Variants in SHISA9 observed in about 807,000 individuals in gnomAD.
SHISA9 encodes protein shisa-9.
SHISA9 carries 13 observed loss-of-function variants against 38.0 expected under a neutral mutation model. That is an observed-to-expected ratio of 0.34 (90% confidence interval 0.22 to 0.54). The LOEUF is 0.54. Among genes scored for constraint, SHISA9 ranks in the 20% least tolerant of loss-of-function variants. The probability of loss-of-function intolerance (pLI) is 0.91; values close to 1 mark genes in which losing one functional copy is unlikely to be tolerated. For synonymous variants in SHISA9, 275 were observed against 242.0 expected (o/e 1.14, Z -1.27); for missense variants, 538 against 575.8 (o/e 0.93, Z 0.67).
intron 2 of SHISA9, among the ~76,000 whole-genome samples, chr16:13,107,117 C>G (rs1596652016): frequency 6.6e-6 from 1 of 151,910 alleles, no homozygotes; most frequent in South Asian, 2.1e-4. Context: ...AGGGAATGAA[C>G]AAAATAATAT....
the SHISA9 span, among the ~76,000 whole-genome samples, chr16:13,289,703 A>C: frequency 6.6e-6 from 1 of 151,786 alleles, no homozygotes; most frequent in Non-Finnish European, 1.5e-5. Context: ...ATTGAGAGAG[A>C]CTGGAGAGTT....
the SHISA9 span, among the ~76,000 whole-genome samples, chr16:13,402,848 G>T: frequency 6.6e-6 from 1 of 152,200 alleles, no homozygotes; most frequent in Admixed American, 6.5e-5. Flanking sequence ...GCTGGGTGCA[G>T]TGGCTCACGC....
intron 2 of SHISA9, among the ~76,000 whole-genome samples, chr16:13,119,497 A>G (rs530040173): frequency 9.9e-5 from 15 of 152,232 alleles, no homozygotes; most frequent in Non-Finnish European, 1.9e-4. Flanking sequence ...AGTAATAATA[A>G]TGATCATTTA....
chr16:13,147,036 G>C (rs1217886423), intron 2 of SHISA9, among the ~76,000 whole-genome samples: 1 of 152,192 alleles, frequency 6.6e-6, no homozygotes, highest in Non-Finnish European at 1.5e-5. Flanking sequence ...ATGAATGAAT[G>C]AGTGAGTATA....
chr16:13,030,752 G>A (rs942683855), intron 2 of SHISA9, among the ~76,000 whole-genome samples: 1 of 152,114 alleles, frequency 6.6e-6, no homozygotes, highest in Non-Finnish European at 1.5e-5. Flanking sequence ...AAATATGGTA[G>A]GAAAAAATTA....
rs373027820 is a variant in SHISA9 at position 12,957,778 on chromosome 16, G to T, written c.691+40963G>T. Among the ~76,000 whole-genome samples, 6 of 152,172 alleles carry T rather than the reference G, an allele frequency of 3.9e-5. No individual in the cohort carries two copies. In the East Asian group the frequency reaches 5.8e-4, roughly 15 times the overall value. On this transcript the variant is annotated intron_variant, in intron 2 of 4. Transcript: ENST00000558583. ...ACAGTTCTTGAGGCTGGAAGTCCAA[G>T]ATCAAGGTGCTGGGTTTGAATTTCC... is the stretch of plus-strand genomic sequence containing the variant.
At chr16:13,280,117 C>CTTTTTTTTTTTTTTTTTT in the SHISA9 span, among the ~76,000 whole-genome samples, 21 of 102,848 alleles carry the variant, frequency 2.0e-4, no homozygotes, top group South Asian at 3.2e-4. Context: ...CTCTCTTTCT[C>CTTTTTTTTTTTTTTTTTT]TTTTTTTTTT....
Position 13,235,049 on chromosome 16 carries a change from C to G in SHISA9, c.915C>G (p.Asp305Glu). 1 of 1,550,722 alleles carries G rather than the reference C, an allele frequency of 6.4e-7. No homozygotes were observed. The highest frequency in any genetic ancestry group is 8.7e-7 in the Non-Finnish European group (1 of 1,146,588). The change falls in exon 5 of 5, where the codon GAC becomes GAG. Residue 305 changes from aspartate (D) to glutamate (E), a missense_variant. Physicochemically the swap from Asp to Glu is conservative, Grantham distance 45 (BLOSUM62 2). Coordinates refer to ENST00000558583, the MANE Select transcript of SHISA9 (RefSeq NM_001145204.3). Reference sequence around the variant, plus strand: ...GTGTAGCTGACAAGGTCAATGACGACTTCTACACCAAGCGACGGCACCTGG... The same window carrying G: ...GTGTAGCTGACAAGGTCAATGACGAGTTCTACACCAAGCGACGGCACCTGG... ...KSPKADKVND[D>E]FYTKRRHLAE...
chr16:12,953,583 G>A (rs2071788696), intron 2 of SHISA9, among the ~76,000 whole-genome samples: 1 of 152,168 alleles, frequency 6.6e-6, no homozygotes, highest in Non-Finnish European at 1.5e-5. Flanking sequence ...GCATCAAGTA[G>A]GCATAAATAA....
At chr16:13,335,487 G>A in the SHISA9 span, among the ~76,000 whole-genome samples, 174 of 152,196 alleles carry the variant, frequency 1.1e-3, no homozygotes, top group African/African-American at 4.1e-3. Flanking sequence ...ACTTTTCATC[G>A]GTTGAGAATG....
intron 2 of SHISA9, among the ~76,000 whole-genome samples, chr16:12,935,292 C>G (rs188356718): frequency 6.6e-6 from 1 of 152,236 alleles, no homozygotes; most frequent in Admixed American, 6.5e-5. Context: ...CTGATCTCTT[C>G]TCTGCATTTA....
chr16:13,219,563 C>A (rs561484915), intron 4 of SHISA9, among the ~76,000 whole-genome samples: 1 of 152,124 alleles, frequency 6.6e-6, no homozygotes, highest in Non-Finnish European at 1.5e-5. Flanking sequence ...GTAAATATCC[C>A]AGGTTTTGCT....
intron 1 of SHISA9, among the ~76,000 whole-genome samples, chr16:12,904,343 A>C (rs1188628280): frequency 6.6e-6 from 1 of 152,148 alleles, no homozygotes; most frequent in Non-Finnish European, 1.5e-5. Flanking sequence ...CCAGCTCTTA[A>C]AAGAGTCCTC....
At chr16:13,430,321 G>A in the SHISA9 span, among the ~76,000 whole-genome samples, 1 of 152,092 alleles carries the variant, frequency 6.6e-6, no homozygotes, top group Admixed American at 6.6e-5. Flanking sequence ...CTTTGGACGC[G>A]GAAACCATCC....
chr16:12,970,264 A>C (rs2072037348), intron 2 of SHISA9, among the ~76,000 whole-genome samples: 1 of 141,850 alleles, frequency 7.0e-6, no homozygotes, highest in Non-Finnish European at 1.5e-5. Flanking sequence ...GGCTGGAAAA[A>C]CTGGATTGCC....
the SHISA9 span, among the ~76,000 whole-genome samples, chr16:13,488,467 A>C: frequency 6.6e-6 from 1 of 152,158 alleles, no homozygotes; most frequent in African/African-American, 2.4e-5. Flanking sequence ...TTACATATAC[A>C]TTACTGTTGC....
chr16:13,038,170 A>G (rs893318487), intron 2 of SHISA9, among the ~76,000 whole-genome samples: 8 of 152,078 alleles, frequency 5.3e-5, no homozygotes, highest in African/African-American at 1.9e-4. Flanking sequence ...TTGTATTTTT[A>G]GTAGAGACAG....
intron 2 of SHISA9, among the ~76,000 whole-genome samples, chr16:13,054,007 C>G (rs1316598252): frequency 6.6e-6 from 1 of 152,172 alleles, no homozygotes; most frequent in Non-Finnish European, 1.5e-5. Flanking sequence ...GAAGCTTCAT[C>G]TCTTCTCTCT....
chr16:13,431,263 T>G, the SHISA9 span, among the ~76,000 whole-genome samples: 1 of 152,212 alleles, frequency 6.6e-6, no homozygotes, highest in Non-Finnish European at 1.5e-5. Flanking sequence ...GAAACTCAGT[T>G]GTTCACCTTT....
Sources: allele counts gnomAD v4.1 joint callset (sites outside exome capture counted in the v4.1 genomes callset), GRCh38; gene constraint gnomAD v4.1.1; transcripts MANE v1.5; gene names NCBI Gene and HGNC (gene_info 2026-07-23, HGNC 2026-07-21).